GABRB3: variants seen among roughly 807,000 people sequenced by gnomAD.
GABRB3 encodes the protein gamma-aminobutyric acid receptor subunit beta-3.
GABRB3 carries 14 observed loss-of-function variants against 52.1 expected under a neutral mutation model. That is an observed-to-expected ratio of 0.27 (90% confidence interval 0.18 to 0.42). The LOEUF (loss-of-function observed/expected upper bound fraction) is 0.42. Among genes scored for constraint, GABRB3 ranks in the 10% least tolerant of loss-of-function variants. The probability of loss-of-function intolerance (pLI) is 1.00; values close to 1 mark genes in which losing one functional copy is unlikely to be tolerated. For missense variants in GABRB3, 307 were observed against 609.1 expected (o/e 0.50, Z 5.22); for synonymous variants, 260 against 232.3 (o/e 1.12, Z -1.08).
chr15:26,615,830 G>A, intron 4 of GABRB3: 1 of 1,216,002 alleles, frequency 8.2e-7, no homozygotes, highest in Non-Finnish European at 1.1e-6. Flanking sequence ...CAGTGTCCAG[G>A]GGTGAGAGAA....
At chr15:26,596,561 A>G (rs1405839742) in intron 4 of GABRB3, among the ~76,000 whole-genome samples, 2 of 152,188 alleles carry the variant, frequency 1.3e-5, no homozygotes, top group Non-Finnish European at 2.9e-5. Flanking sequence ...CATATAAATT[A>G]TACATTTATG....
intron 3 of GABRB3, chr15:26,629,103 C>T (rs922958875): frequency 6.5e-7 from 1 of 1,535,468 alleles, no homozygotes; most frequent in African/African-American, 1.4e-5. Context: ...CGCTTCCTCT[C>T]CATCTCTGCT....
intron 3 of GABRB3, among the ~76,000 whole-genome samples, chr15:26,624,045 C>A (rs1365632455): frequency 6.6e-6 from 1 of 152,142 alleles, no homozygotes; most frequent in Non-Finnish European, 1.5e-5. Context: ...ATGGTGAGTT[C>A]AAGGGGTAGA....
At chr15:26,769,085 T>C (rs542398438) in intron 3 of GABRB3, among the ~76,000 whole-genome samples, 18 of 152,310 alleles carry the variant, frequency 1.2e-4, no homozygotes, top group African/African-American at 4.3e-4. Context: ...GAGTCTACAA[T>C]TGTTTAAAGC....
chr15:26,602,941 T>G (rs1348579098), intron 4 of GABRB3, among the ~76,000 whole-genome samples: 1 of 151,660 alleles, frequency 6.6e-6, no homozygotes, highest in African/African-American at 2.4e-5. Context: ...GAATTTGAAA[T>G]GAAGAAAGCA....
chr15:26,736,740 C>G (rs1890075642), intron 3 of GABRB3, among the ~76,000 whole-genome samples: 1 of 152,238 alleles, frequency 6.6e-6, no homozygotes, highest in East Asian at 1.9e-4. Context: ...ATTTGCACAT[C>G]ACACAATGTG....
At chr15:26,706,423 G>T (rs1889104760) in intron 3 of GABRB3, among the ~76,000 whole-genome samples, 1 of 129,910 alleles carries the variant, frequency 7.7e-6, no homozygotes. Context: ...TAGGGCTTTG[G>T]AATCAAATTG....
At chr15:26,687,077 C>G (rs1230719522) in intron 3 of GABRB3, among the ~76,000 whole-genome samples, 3 of 152,358 alleles carry the variant, frequency 2.0e-5, no homozygotes, top group Admixed American at 2.0e-4. Context: ...TCCCCTGCCA[C>G]TCTGGGAAGT....
At chr15:26,657,777 T>G (rs937318516) in intron 3 of GABRB3, among the ~76,000 whole-genome samples, 2 of 152,200 alleles carry the variant, frequency 1.3e-5, no homozygotes, top group Non-Finnish European at 2.9e-5. Context: ...CTGACCTAAC[T>G]GACTCCATTT....
At chr15:26,735,151 TTCA>T (rs1890032883) in intron 3 of GABRB3, among the ~76,000 whole-genome samples, 1 of 152,180 alleles carries the variant, frequency 6.6e-6, no homozygotes, top group Non-Finnish European at 1.5e-5. Context: ...CTCAATTTCA[TTCA>T]TCATTAGGGG....
intron 3 of GABRB3, among the ~76,000 whole-genome samples, chr15:26,657,724 A>C (rs942244895): frequency 4.6e-5 from 7 of 152,212 alleles, no homozygotes; most frequent in African/African-American, 1.7e-4. Context: ...AAAAATTATG[A>C]CAGAAAAGTC....
intron 3 of GABRB3, among the ~76,000 whole-genome samples, chr15:26,622,365 T>C (rs899687256): frequency 7.2e-6 from 1 of 139,106 alleles, no homozygotes; most frequent in Non-Finnish European, 1.6e-5. Flanking sequence ...CAAAAGAAAT[T>C]CTCTTTTTGT....
chr15:26,670,798 TTTCTTTC>T (rs1887876059), intron 3 of GABRB3, among the ~76,000 whole-genome samples: 1 of 152,164 alleles, frequency 6.6e-6, no homozygotes, highest in Non-Finnish European at 1.5e-5. Context: ...CCTATGCCTC[TTTCTTTC>T]TTTTAAGCCC....
intron 3 of GABRB3, among the ~76,000 whole-genome samples, chr15:26,734,663 T>C (rs1215688223): frequency 7.7e-6 from 1 of 130,032 alleles, no homozygotes; most frequent in African/African-American, 2.9e-5. Context: ...AAAAGCCTGG[T>C]GTAGTGGCTC....
intron 3 of GABRB3, among the ~76,000 whole-genome samples, chr15:26,765,125 G>A (rs1305407821): frequency 7.3e-4 from 11 of 15,060 alleles, no homozygotes; most frequent in East Asian, 5.8e-3. Flanking sequence ...GCGAGACTCC[G>A]ACTCAAAAAA....
intron 3 of GABRB3, among the ~76,000 whole-genome samples, chr15:26,746,980 C>T (rs1422156171): frequency 1.3e-5 from 2 of 150,202 alleles, no homozygotes; most frequent in Non-Finnish European, 3.0e-5. Context: ...GAGCAAGACT[C>T]CATCTCAAAA....
chr15:26,666,279 A>G (rs906012477), intron 3 of GABRB3: 1 of 152,232 alleles, frequency 6.6e-6, no homozygotes, highest in African/African-American at 2.4e-5. Context: ...TAAGGCACCA[A>G]CTGAGTAGTG....
chr15:26,595,418 G>C (rs2140768104), intron 4 of GABRB3, among the ~76,000 whole-genome samples: 1 of 152,256 alleles, frequency 6.6e-6, no homozygotes, highest in East Asian at 1.9e-4. Context: ...ATATGGGTGG[G>C]GGAAATGGCA....
At chr15:26,727,113 C>T (rs535810331) in intron 3 of GABRB3, among the ~76,000 whole-genome samples, 46 of 152,212 alleles carry the variant, frequency 3.0e-4, no homozygotes, top group African/African-American at 1.1e-3. Context: ...GAGTTGAGAT[C>T]GTGCCACTGC....
Sources: gnomAD v4.1 joint callset for allele counts (sites outside exome capture counted in the v4.1 genomes callset) on GRCh38, gnomAD v4.1.1 for gene constraint, MANE v1.5 for transcripts, NCBI Gene and HGNC (gene_info 2026-07-23, HGNC 2026-07-21) for gene names.